TCERG1L: variants seen among roughly 807,000 people sequenced by gnomAD.
TCERG1L encodes the protein transcription elongation regulator 1 like, also known as transcription elongation regulator 1-like protein.
A neutral mutation model predicts 56.3 loss-of-function variants in TCERG1L; 37 were observed. That is an observed-to-expected ratio of 0.66 (90% CI 0.51 to 0.87). The LOEUF (loss-of-function observed/expected upper bound fraction) is 0.87. Among genes scored for constraint, TCERG1L ranks in the 40% least tolerant of loss-of-function variants. The pLI, the probability that TCERG1L is intolerant of heterozygous loss-of-function variation, is 0.00. For missense variants in TCERG1L, 799 were observed against 774.2 expected (o/e 1.03, Z -0.38); for synonymous variants, 324 against 326.3 (o/e 0.99, Z 0.08).
chr10:131,262,172 C>T (rs141333393), intron 3 of TCERG1L, among the ~76,000 whole-genome samples: 320 of 152,254 alleles, frequency 2.1e-3, no homozygotes, highest in African/African-American at 7.4e-3. Flanking sequence ...GCGGAGCCTG[C>T]GGAGCAGTGC....
chr10:131,110,876 C>T (rs1441811764), intron 9 of TCERG1L, among the ~76,000 whole-genome samples: 7 of 101,116 alleles, frequency 6.9e-5, no homozygotes, highest in African/African-American at 2.0e-4. Flanking sequence ...GTGCCCCATG[C>T]GTGTGATGGC....
chr10:131,247,072 G>C (rs967154028), intron 4 of TCERG1L, among the ~76,000 whole-genome samples: 1 of 152,102 alleles, frequency 6.6e-6, no homozygotes, highest in African/African-American at 2.4e-5. Flanking sequence ...AGGGGAGTAT[G>C]CCAGCTCGTT....
chr10:131,305,823 T>TCTTTGTAATATAA (rs1846813635), intron 3 of TCERG1L, among the ~76,000 whole-genome samples: 2 of 150,844 alleles, frequency 1.3e-5, no homozygotes, highest in Non-Finnish European at 2.9e-5. Context: ...ACAAGATTGA[T>TCTTTGTAATATAA]CTTTGTAATA....
At chr10:131,231,817 C>T (rs1450688220) in intron 4 of TCERG1L, among the ~76,000 whole-genome samples, 1 of 152,110 alleles carries the variant, frequency 6.6e-6, no homozygotes, top group Non-Finnish European at 1.5e-5. Context: ...GGGCTCAGTG[C>T]CTGTGGGGAC....
intron 3 of TCERG1L, among the ~76,000 whole-genome samples, chr10:131,265,910 A>G (rs1015311551): frequency 1.3e-5 from 2 of 152,252 alleles, no homozygotes; most frequent in Non-Finnish European, 2.9e-5. Flanking sequence ...CGCTTGCTAC[A>G]TTGATGGACT....
intron 3 of TCERG1L, among the ~76,000 whole-genome samples, chr10:131,278,177 A>G (rs186452813): frequency 1.6e-4 from 24 of 152,162 alleles, no homozygotes; most frequent in Non-Finnish European, 3.2e-4. Flanking sequence ...AACCCCAGGC[A>G]GAGCCACGTG....
chr10:131,144,528 C>G (rs1470337362), intron 7 of TCERG1L, among the ~76,000 whole-genome samples: 2 of 151,916 alleles, frequency 1.3e-5, no homozygotes, highest in African/African-American at 4.8e-5. Flanking sequence ...TCAACTGCAC[C>G]CTGGCAACCG....
At chr10:131,178,336 G>A (rs902201058) in intron 4 of TCERG1L, among the ~76,000 whole-genome samples, 4 of 152,234 alleles carry the variant, frequency 2.6e-5, no homozygotes, top group South Asian at 2.1e-4. Context: ...GAAACAAGAC[G>A]AGGCAGGTTT....
intron 3 of TCERG1L, among the ~76,000 whole-genome samples, chr10:131,297,430 T>C (rs904294547): frequency 6.6e-6 from 1 of 152,224 alleles, no homozygotes; most frequent in Non-Finnish European, 1.5e-5. Context: ...AAAACTCTCT[T>C]GGTCAAATAT....
At chr10:131,194,970 T>C (rs994542968) in intron 4 of TCERG1L, among the ~76,000 whole-genome samples, 9 of 152,340 alleles carry the variant, frequency 5.9e-5, no homozygotes, top group Non-Finnish European at 1.3e-4. Context: ...CATGTGCCAC[T>C]AAATCCAGCC....
chr10:131,302,143 C>T (rs985131205), intron 3 of TCERG1L, among the ~76,000 whole-genome samples: 1 of 151,898 alleles, frequency 6.6e-6, no homozygotes, highest in South Asian at 2.1e-4. Flanking sequence ...TCACAAGATG[C>T]TTTCCTCATA....
chr10:131,214,202 G>A (rs1310494364), intron 4 of TCERG1L, among the ~76,000 whole-genome samples: 1 of 152,102 alleles, frequency 6.6e-6, no homozygotes, highest in Non-Finnish European at 1.5e-5. Context: ...CCTGGGGTGA[G>A]GCTCCCTGGG....
intron 3 of TCERG1L, among the ~76,000 whole-genome samples, chr10:131,270,858 A>T (rs1285152596): frequency 1.3e-5 from 2 of 152,074 alleles, no homozygotes; most frequent in African/African-American, 4.8e-5. Context: ...TTCCTGTTCC[A>T]GTGTATCTGG....
intron 4 of TCERG1L, among the ~76,000 whole-genome samples, chr10:131,256,623 C>T (rs557733854): frequency 3.3e-5 from 5 of 152,224 alleles, no homozygotes; most frequent in Non-Finnish European, 7.4e-5. Context: ...CAGTGACTCA[C>T]GCCTCTAATC....
intron 3 of TCERG1L, among the ~76,000 whole-genome samples, chr10:131,303,497 TTTAAG>T (rs911171470): frequency 6.6e-6 from 1 of 152,086 alleles, no homozygotes; most frequent in Non-Finnish European, 1.5e-5. Context: ...TGCAGATTTG[TTTAAG>T]TTCTTTGTAG....
intron 4 of TCERG1L, among the ~76,000 whole-genome samples, chr10:131,170,242 G>A (rs2133439832): frequency 6.6e-6 from 1 of 152,124 alleles, no homozygotes; most frequent in African/African-American, 2.4e-5. Context: ...TTATTCTACG[G>A]CTCTCCGGGG....
chr10:131,238,117 C>T (rs1006044000), intron 4 of TCERG1L, among the ~76,000 whole-genome samples: 6 of 152,164 alleles, frequency 3.9e-5, no homozygotes, highest in East Asian at 1.9e-4. Flanking sequence ...CTGGCCTCTC[C>T]ACCTGCTAGA....
chr10:131,211,784 G>C (rs997767789), intron 4 of TCERG1L, among the ~76,000 whole-genome samples: 1 of 152,160 alleles, frequency 6.6e-6, no homozygotes, highest in Non-Finnish European at 1.5e-5. Context: ...CAGGCCTGCC[G>C]GGCCACTTGC....
At chr10:131,207,451 G>A (rs928389573) in intron 4 of TCERG1L, among the ~76,000 whole-genome samples, 1 of 152,238 alleles carries the variant, frequency 6.6e-6, no homozygotes, top group Non-Finnish European at 1.5e-5. Flanking sequence ...TGACACAGCG[G>A]CTCCAACATG....
Sources: gnomAD v4.1 joint callset for allele counts (sites outside exome capture counted in the v4.1 genomes callset) on GRCh38, gnomAD v4.1.1 for gene constraint, MANE v1.5 for transcripts, NCBI Gene and HGNC (gene_info 2026-07-23, HGNC 2026-07-21) for gene names.